Variants in RPLP2 observed in about 807,000 individuals in gnomAD.
RPLP2 encodes the protein large ribosomal subunit protein P2.
A neutral mutation model predicts 11.5 loss-of-function variants in RPLP2; 1 was observed. The ratio of observed to expected loss-of-function variants is 0.09; its 90% CI spans 0.03 to 0.41. RPLP2 has a LOEUF of 0.41. Ranked by LOEUF, RPLP2 falls within the 10% of genes least tolerant of loss-of-function variation. RPLP2 has a pLI of 0.98. For missense variants in RPLP2, 177 were observed against 145.6 expected (o/e 1.22, Z -1.11); for synonymous variants, 82 against 55.9 (o/e 1.47, Z -2.08).
At chr11:810,186 G>T in intron 1 of RPLP2, 48 bp from the exon 2 acceptor site, 7 of 1,448,884 alleles carry the variant, frequency 4.8e-6, no homozygotes, top group Non-Finnish European at 6.4e-6. Flanking sequence ...GGGCCGGCAG[G>T]AGGCCGCCGG....
chr11:810,088 G>A, intron 1 of RPLP2, 49 bp downstream of exon 1: 2 of 1,003,624 alleles, frequency 2.0e-6, no homozygotes, highest in South Asian at 2.5e-5. Context: ...CGCGGAGTCC[G>A]TGGGGATGCG....
chr11:811,707 A>G, intron 3 of RPLP2, 62 bp downstream of exon 3: 4 of 1,607,306 alleles, frequency 2.5e-6, no homozygotes, highest in Non-Finnish European at 3.4e-6. Flanking sequence ...CTGCCGGTCC[A>G]TCTGTGGCCT....
chr11:810,948 A>C (rs946016421), intron 2 of RPLP2, among the ~76,000 whole-genome samples: 5 of 142,766 alleles, frequency 3.5e-5, no homozygotes, highest in Non-Finnish European at 6.0e-5. Context: ...TGGCGAGTGG[A>C]TTATTGGAGC....
rs372392159 is a variant in RPLP2 at position 810,576 on chromosome 11, C to A, written c.123+219C>A. On this transcript the variant is annotated intron_variant, in intron 2 of 4. Coordinates refer to ENST00000321153, the MANE Select transcript of RPLP2 (RefSeq NM_001004.4). ...TGGGAGGACGAGGCAGGCGGATCACCTGAGGTCAGGGGTTCGAGACCAGCC... is the reference window on the plus strand; with the variant it reads ...TGGGAGGACGAGGCAGGCGGATCACATGAGGTCAGGGGTTCGAGACCAGCC... The A allele has an allele frequency of 9.7e-5, 41 of 421,012 alleles. No individual in the cohort carries two copies. The East Asian group carries it at 1.6e-3, about 16-fold the overall frequency. The allele number at this position is 421,012 out of a possible 1,614,324, so 26.1% of individuals were successfully genotyped here.
At chr11:812,105 C>G in intron 3 of RPLP2, 1 of 376,138 alleles carries the variant, frequency 2.7e-6, no homozygotes, top group South Asian at 2.3e-5. Context: ...GGAAGTTGAG[C>G]TGTTGGGGCA....
intron 1 of RPLP2, 37 bp from the exon 2 acceptor site, chr11:810,197 G>A: frequency 6.8e-7 from 1 of 1,470,886 alleles, no homozygotes; most frequent in Non-Finnish European, 9.1e-7. Flanking sequence ...AGGCCGCCGG[G>A]GTAACTCCGC....
Position 810,363 on chromosome 11 carries a change from GGCCGCCCTT to G in RPLP2, c.123+10_123+18del. ...ACGACGACCGGCTCAACAAGGTAGC[GGCCGCCCTT>G]GCCCCGCAGCCGCCGTGGGGCCCCA... On this transcript the variant is annotated splice_region_variant and intron_variant, in intron 2 of 4. Transcript: ENST00000321153. 6.2e-7 allele frequency: 1 copy of G among 1,604,360 alleles called. No individual in the cohort carries two copies. The highest frequency in any genetic ancestry group is 8.5e-7 in the Non-Finnish European group (1 of 1,176,184).
rs1345885962 is a variant in RPLP2, at chr11:812,621, G to A, written c.259G>A (p.Ala87Thr). 6.2e-7 allele frequency: 1 copy of A among 1,610,018 alleles called. No individual in the cohort carries two copies. Among genetic ancestry groups the A allele is most frequent in the East Asian group, 2.2e-5 (1 of 44,880 alleles). Residue 87 changes from alanine to threonine, a missense_variant, in exon 4 of 5, where the codon GCC becomes ACC. By Grantham distance (58) the Ala-to-Thr change is moderately conservative (BLOSUM62 0). Coordinates refer to ENST00000321153, the MANE Select transcript of RPLP2 (RefSeq NM_001004.4). ...CTCTGCAGCCCCTGCTGCTGGTTCT[G>A]CCCCTGCTGCAGGTAAGTGGTGGCC... ...PGSAAPAAGSAPAAAEEKKDE... is the reference protein window; with the variant it reads ...PGSAAPAAGSTPAAAEEKKDE...
At chr11:812,485 GC>G (rs1866092574) in intron 3 of RPLP2, 49 bp from the exon 4 acceptor site, 4 of 1,598,488 alleles carry the variant, frequency 2.5e-6, no homozygotes, top group Admixed American at 1.7e-5. Context: ...CTGTGGAACA[GC>G]CTCCCAGGCT....
Position 811,969 on chromosome 11 carries a change from C to T in RPLP2, c.172+324C>T, listed in dbSNP as rs1866080776. ...ACTGAGTTCACGTCAGCAGTCCTTACCACATGCTTTCTGTGAGGGGGTTGG... is the reference window on the plus strand; with the variant it reads ...ACTGAGTTCACGTCAGCAGTCCTTATCACATGCTTTCTGTGAGGGGGTTGG... On this transcript the variant is annotated intron_variant, in intron 3 of 4. Coordinates refer to ENST00000321153, the MANE Select transcript of RPLP2 (RefSeq NM_001004.4). The T allele has an allele frequency of 2.6e-5, 14 of 540,432 alleles. No homozygotes were observed. In the Admixed American group the frequency reaches 3.7e-4, roughly 14 times the overall value. 33.5% of individuals were successfully genotyped at this position (540,432 alleles called of 1,614,324 possible).
chr11:810,602 T>A (rs2133834257), intron 2 of RPLP2: 1 of 367,744 alleles, frequency 2.7e-6, no homozygotes, highest in South Asian at 5.8e-5. Context: ...GAGACCAGCC[T>A]GGTAAACATG....
chr11:810,207 C>T (rs1001497843), intron 1 of RPLP2, 27 bp from the exon 2 acceptor site: 14 of 1,486,542 alleles, frequency 9.4e-6, no homozygotes, highest in African/African-American at 1.4e-5. Flanking sequence ...GGTAACTCCG[C>T]CGTCGCGTCC....
At chr11:811,122 AGTAGT>A (rs1866036206) in intron 2 of RPLP2, among the ~76,000 whole-genome samples, 1 of 152,018 alleles carries the variant, frequency 6.6e-6, no homozygotes, top group South Asian at 2.1e-4. Flanking sequence ...GGCTGCACTG[AGTAGT>A]GATTGTGCCA....
intron 2 of RPLP2, chr11:811,374 C>T (rs545834613): frequency 3.0e-5 from 18 of 590,460 alleles, no homozygotes; most frequent in Middle Eastern, 4.5e-4. Context: ...TAGTGAGATG[C>T]CCTGTGTCCT....
Position 809,980 on chromosome 11 carries a change from G to T in RPLP2, c.-61G>T. 2.5e-6 allele frequency: 1 copy of T among 394,902 alleles called. No individual in the cohort carries two copies. 24.5% of individuals were successfully genotyped at this position (394,902 alleles called of 1,614,324 possible). ...CGTCGGCGCCTTCCTTTTCCTCCCT[G>T]TCGCCACCGAGGTCGCACGCGTGAG... On this transcript the variant is annotated 5_prime_UTR_variant, in exon 1 of 5. Coordinates refer to ENST00000321153, the MANE Select transcript of RPLP2 (RefSeq NM_001004.4).
chr11:810,312 C>G lies in RPLP2; in HGVS notation c.78C>G (p.Ile26Met). The part of the protein sequence containing the change: ...SSPSAKDIKK[I>M]LDSVGIEADD... ...CCAGCGCCAAGGACATCAAGAAGAT[C>G]TTGGACAGCGTGGGTATCGAGGCGG... Residue 26 changes from isoleucine to methionine, a missense_variant, in exon 2 of 5, where the codon ATC becomes ATG. Ile to Met is a conservative substitution (Grantham distance 10). Transcript: ENST00000321153. 1.9e-6 allele frequency: 3 copies of G among 1,609,618 alleles called. No homozygotes were observed. Among genetic ancestry groups the G allele is most frequent in the Middle Eastern group, 3.4e-4 (2 of 5,956 alleles).
intron 3 of RPLP2, chr11:812,122 C>T (rs1565080305): frequency 5.3e-6 from 2 of 378,122 alleles, no homozygotes; most frequent in South Asian, 2.3e-5. Flanking sequence ...GGCAGCTGTT[C>T]TTGTCTTCCA....
intron 3 of RPLP2, chr11:811,858 G>C (rs778129574): frequency 2.6e-6 from 2 of 767,484 alleles, no homozygotes; most frequent in South Asian, 2.7e-5. Context: ...CTCAGCAGAC[G>C]TTTAGGTGGC....
In RPLP2 at chr11:810,313, T is replaced by C; in HGVS notation, c.79T>C (p.Leu27=). The C allele has an allele frequency of 6.2e-7, 1 of 1,609,432 alleles. No individual in the cohort carries two copies. The change falls in exon 2 of 5, where the codon TTG becomes CTG. Residue 27 remains leucine, a synonymous_variant. Transcript: ENST00000321153. ...CAGCGCCAAGGACATCAAGAAGATC[T>C]TGGACAGCGTGGGTATCGAGGCGGA... The part of the protein sequence containing the change: ...SPSAKDIKKI[L]DSVGIEADDD...
Sources: allele counts gnomAD v4.1 joint callset (sites outside exome capture counted in the v4.1 genomes callset), GRCh38; gene constraint gnomAD v4.1.1; transcripts MANE v1.5; gene names NCBI Gene and HGNC (gene_info 2026-07-23, HGNC 2026-07-21).